Variants in GRID2 observed in about 807,000 individuals in gnomAD.
GRID2 encodes glutamate receptor ionotropic, delta-2.
Under a neutral mutation model 114.8 loss-of-function variants are expected in GRID2, and 33 were observed. The ratio of observed to expected loss-of-function variants is 0.29; its 90% CI spans 0.22 to 0.38. GRID2 has a LOEUF of 0.38. Among genes scored for constraint, GRID2 ranks in the 10% least tolerant of loss-of-function variants. The pLI is 1.00. For missense variants in GRID2, 1,184 were observed against 1,257.7 expected, an observed-to-expected ratio of 0.94 and a Z score of 0.89; for synonymous variants, 505 against 449.9, an observed-to-expected ratio of 1.12 and a Z score of -1.55.
intron 1 of GRID2, among the ~76,000 whole-genome samples, chr4:92,443,731 T>A (rs903088818): frequency 5.9e-5 from 9 of 152,064 alleles, no homozygotes; most frequent in African/African-American, 2.2e-4. Context: ...TTGGGGTACT[T>A]GCCCCTTCCC....
chr4:92,498,907 T>G (rs1723529988), intron 1 of GRID2, among the ~76,000 whole-genome samples: 1 of 132,394 alleles, frequency 7.6e-6, no homozygotes, highest in Admixed American at 8.4e-5. Context: ...ATGTAGGAAA[T>G]GAGACAAGAA....
intron 2 of GRID2, among the ~76,000 whole-genome samples, chr4:92,968,550 A>G (rs1753301172): frequency 6.6e-6 from 1 of 151,938 alleles, no homozygotes. Context: ...TCATTGATAC[A>G]TCTCATGTTT....
At chr4:93,742,228 T>C (rs1423630423) in intron 14 of GRID2, among the ~76,000 whole-genome samples, 1 of 152,178 alleles carries the variant, frequency 6.6e-6, no homozygotes, top group African/African-American at 2.4e-5. Flanking sequence ...TGAGTAGTTA[T>C]GCCCAATAAG....
At chr4:93,433,697 G>A (rs1720800304) in intron 10 of GRID2, among the ~76,000 whole-genome samples, 1 of 152,126 alleles carries the variant, frequency 6.6e-6, no homozygotes, top group Admixed American at 6.6e-5. Flanking sequence ...CTTGGCTGAT[G>A]GAGTTCATTT....
chr4:93,567,130 G>T (rs935195299), intron 13 of GRID2, among the ~76,000 whole-genome samples: 8 of 152,022 alleles, frequency 5.3e-5, no homozygotes, highest in African/African-American at 1.9e-4. Flanking sequence ...CAAGCTCCTT[G>T]GGTCATGCCA....
At chr4:93,713,372 A>C (rs950006662) in intron 14 of GRID2, among the ~76,000 whole-genome samples, 10 of 152,080 alleles carry the variant, frequency 6.6e-5, no homozygotes, top group African/African-American at 9.7e-5. Context: ...CCTTTTAAAA[A>C]AATAGTTGGG....
intron 2 of GRID2, among the ~76,000 whole-genome samples, chr4:92,600,772 C>T (rs970328989): frequency 4.6e-5 from 7 of 152,308 alleles, no homozygotes; most frequent in Middle Eastern, 3.4e-3. Flanking sequence ...CCGGGATCTC[C>T]GTCGCAGAGG....
chr4:92,399,659 C>A (rs972969747), intron 1 of GRID2, among the ~76,000 whole-genome samples: 51 of 139,322 alleles, frequency 3.7e-4, no homozygotes, highest in East Asian at 2.6e-3. Flanking sequence ...CTCTCTCTCT[C>A]TCTCTCTATA....
At chr4:93,401,579 T>C (rs898959808) in intron 9 of GRID2, among the ~76,000 whole-genome samples, 2 of 152,144 alleles carry the variant, frequency 1.3e-5, no homozygotes, top group Non-Finnish European at 2.9e-5. Flanking sequence ...AGAGAATAAC[T>C]ATTTTAAAGA....
chr4:92,769,588 G>T (rs1738439371), intron 2 of GRID2, among the ~76,000 whole-genome samples: 2 of 152,164 alleles, frequency 1.3e-5, no homozygotes, highest in African/African-American at 4.8e-5. Flanking sequence ...TGGACATCCA[G>T]GCATTTCCAT....
intron 2 of GRID2, among the ~76,000 whole-genome samples, chr4:92,663,945 C>T (rs969522835): frequency 6.6e-6 from 1 of 151,162 alleles, no homozygotes; most frequent in African/African-American, 2.4e-5. Flanking sequence ...CATCAAGATT[C>T]GTCCATGTTG....
intron 14 of GRID2, among the ~76,000 whole-genome samples, chr4:93,680,502 T>C (rs1050093261): frequency 1.2e-4 from 18 of 151,176 alleles, no homozygotes; most frequent in Non-Finnish European, 2.1e-4. Flanking sequence ...CCAATATCCT[T>C]GATGAACATT....
intron 1 of GRID2, among the ~76,000 whole-genome samples, chr4:92,548,005 C>CTTCTGAAT (rs1443451768): frequency 6.6e-6 from 1 of 151,952 alleles, no homozygotes. Context: ...GACCTGAATT[C>CTTCTGAAT]TTCTGAATTC....
At chr4:92,465,642 A>C (rs1721717733) in intron 1 of GRID2, among the ~76,000 whole-genome samples, 1 of 152,062 alleles carries the variant, frequency 6.6e-6, no homozygotes, top group African/African-American at 2.4e-5. Flanking sequence ...ATATTGTGCA[A>C]TTAAATGTTT....
At chr4:92,549,595 T>A (rs1447455554) in intron 1 of GRID2, among the ~76,000 whole-genome samples, 1 of 152,196 alleles carries the variant, frequency 6.6e-6, no homozygotes, top group Non-Finnish European at 1.5e-5. Flanking sequence ...AAAATCTAAA[T>A]CTTAGCCTGA....
At chr4:93,784,675 C>A (rs188650941) in intron 1 of GRID2, among the ~76,000 whole-genome samples, 3 of 150,256 alleles carry the variant, frequency 2.0e-5, no homozygotes, top group South Asian at 4.2e-4. Flanking sequence ...CACACACACA[C>A]CACGGTATCG....
chr4:92,366,924 C>T (rs1388019657), intron 1 of GRID2, among the ~76,000 whole-genome samples: 1 of 151,972 alleles, frequency 6.6e-6, no homozygotes, highest in Non-Finnish European at 1.5e-5. Flanking sequence ...AAACCACATA[C>T]CTAAAAATGT....
chr4:92,949,367 TA>T (rs1751867875), intron 2 of GRID2, among the ~76,000 whole-genome samples: 1 of 152,114 alleles, frequency 6.6e-6, no homozygotes, highest in African/African-American at 2.4e-5. Flanking sequence ...ACGTGCAGGT[TA>T]GTTACATATG....
intron 4 of GRID2, among the ~76,000 whole-genome samples, chr4:93,194,567 A>G (rs1741297936): frequency 6.6e-6 from 1 of 152,166 alleles, no homozygotes; most frequent in Non-Finnish European, 1.5e-5. Context: ...TATCCGGTGT[A>G]GCCAGTCTGA....
Sources: allele counts gnomAD v4.1 joint callset (sites outside exome capture counted in the v4.1 genomes callset), GRCh38; gene constraint gnomAD v4.1.1; transcripts MANE v1.5; gene names NCBI Gene and HGNC (gene_info 2026-07-23, HGNC 2026-07-21).